The following CDON variants were observed in gnomAD, a reference collection of about 807,000 sequenced individuals.
CDON encodes cell adhesion molecule-related/down-regulated by oncogenes.
CDON carries 73 observed loss-of-function variants against 120.9 expected under a neutral mutation model. The ratio of observed to expected loss-of-function variants is 0.60; its 90% CI spans 0.50 to 0.73. The LOEUF (loss-of-function observed/expected upper bound fraction) is 0.73. Among genes scored for constraint, CDON ranks in the 30% least tolerant of loss-of-function variants. The pLI is 0.00. For synonymous variants in CDON, 566 were observed against 573.5 expected (o/e 0.99, Z 0.19); for missense variants, 1,470 against 1,587.3 (o/e 0.93, Z 1.26).
At chr11:125,976,422 T>C (rs1458220966) in intron 18 of CDON, among the ~76,000 whole-genome samples, 1 of 152,110 alleles carries the variant, frequency 6.6e-6, no homozygotes, top group Non-Finnish European at 1.5e-5. Flanking sequence ...AAAAAGAATC[T>C]GGTGTTCCAA....
chr11:126,038,589 T>G (rs1213572243), intron 1 of CDON, among the ~76,000 whole-genome samples: 3 of 151,770 alleles, frequency 2.0e-5, no homozygotes, highest in Non-Finnish European at 4.4e-5. Flanking sequence ...GAGGCAGAGG[T>G]TGCAGTGAGC....
At chr11:126,062,872 G>A (rs1948839979), upstream of CDON, 1 of 151,680 alleles carries the variant, frequency 6.6e-6, no homozygotes, top group South Asian at 2.1e-4. Flanking sequence ...GAGTCACCGG[G>A]GCGCGCCCCC....
intron 1 of CDON, among the ~76,000 whole-genome samples, chr11:126,046,151 T>C (rs1948402163): frequency 2.0e-5 from 3 of 152,310 alleles, no homozygotes; most frequent in Admixed American, 2.0e-4. Context: ...AAGAATGGTA[T>C]TGGGATGGTA....
At chr11:125,992,801 T>C (rs948131990) in intron 14 of CDON, among the ~76,000 whole-genome samples, 12 of 152,250 alleles carry the variant, frequency 7.9e-5, no homozygotes. Flanking sequence ...CAGTATTTCA[T>C]GTCAAGAAGT....
chr11:126,042,830 G>A (rs1458232993), intron 1 of CDON, among the ~76,000 whole-genome samples: 5 of 151,974 alleles, frequency 3.3e-5, no homozygotes, highest in Non-Finnish European at 5.9e-5. Flanking sequence ...ACCGTGTTGC[G>A]AAGGCTGGTC....
chr11:126,010,874 T>C (rs1273949430), intron 7 of CDON, 180 bp from the exon 8 acceptor site: 1 of 664,662 alleles, frequency 1.5e-6, no homozygotes, highest in Admixed American at 2.1e-5. Flanking sequence ...TAGAGTTGTT[T>C]CATAGCTGTG....
rs551721918 is a variant in CDON at position 125,997,291 on chromosome 11, G to A, written c.2278C>T (p.Arg760Trp). ...PITAFKVEYKRMRTSNWLVAA... is the reference protein window; with the variant it reads ...PITAFKVEYKWMRTSNWLVAA... ...ACCAGCCAATTGCTGGTCCTCATCC[G>A]TTTATATTCGACTTTGAAGGCAGTG... Residue 760 changes from arginine to tryptophan, a missense_variant, in exon 12 of 20, where the codon CGG becomes TGG. Arg to Trp is a moderately radical substitution (Grantham distance 101). Coordinates refer to ENST00000531738, the MANE Select transcript of CDON (RefSeq NM_001378964.1). 20 of 1,614,016 alleles carry A rather than the reference G, an allele frequency of 1.2e-5. No individual in the cohort carries two copies. The highest frequency in any genetic ancestry group is 5.0e-5 in the Admixed American group (3 of 60,012).
chr11:125,987,788 G>C (rs189813931), intron 15 of CDON, among the ~76,000 whole-genome samples: 1 of 152,188 alleles, frequency 6.6e-6, no homozygotes, highest in Non-Finnish European at 1.5e-5. Context: ...CACAGCGTCT[G>C]GTCCAAAAAG....
At chr11:126,052,797 T>C (rs1394275932) in intron 1 of CDON, among the ~76,000 whole-genome samples, 1 of 147,574 alleles carries the variant, frequency 6.8e-6, no homozygotes, top group Non-Finnish European at 1.5e-5. Context: ...CACTCCAGCC[T>C]GGGCAACAGA....
rs66953503 is a variant in CDON, at chr11:125,958,593, T to TTA, written c.*2347_*2348dup. On this transcript the variant is annotated 3_prime_UTR_variant, in exon 20 of 20. Transcript: ENST00000531738. Reference sequence around the variant, plus strand: ...TGTGTGTGTGTGTGTGTGTGTGTGTTTATATATATATATTTATATATTTCA... The same window carrying TTA: ...TGTGTGTGTGTGTGTGTGTGTGTGTTTATATATATATATATTTATATATTTCA... 11 of 103,170 alleles carry TTA rather than the reference T, an allele frequency of 1.1e-4. No homozygotes were observed. Among genetic ancestry groups the TTA allele is most frequent in the Non-Finnish European group, 1.5e-4 (8 of 51,816 alleles). 6.4% of individuals were successfully genotyped at this position (103,170 alleles called of 1,614,324 possible). A position where few individuals can be genotyped will look rare whatever the true frequency, so the allele number is the denominator to read the frequency against.
chr11:126,031,527 T>C (rs979064795), intron 1 of CDON, among the ~76,000 whole-genome samples: 3 of 152,200 alleles, frequency 2.0e-5, no homozygotes, highest in African/African-American at 7.2e-5. Context: ...AGTGAATTGC[T>C]TGCTGTGTTT....
chr11:126,042,695 C>A (rs1019951335), intron 1 of CDON, among the ~76,000 whole-genome samples: 3 of 152,234 alleles, frequency 2.0e-5, no homozygotes, highest in African/African-American at 7.2e-5. Context: ...AATCTCAGTT[C>A]ACTACAACCT....
At chr11:126,000,169 G>T (rs1488020219) in intron 11 of CDON, among the ~76,000 whole-genome samples, 1 of 152,004 alleles carries the variant, frequency 6.6e-6, no homozygotes, top group African/African-American at 2.4e-5. Context: ...TCCACATATT[G>T]TTAATGGGTT....
chr11:126,026,383 C>A (rs1305998303), intron 1 of CDON, among the ~76,000 whole-genome samples: 1 of 152,148 alleles, frequency 6.6e-6, no homozygotes, highest in Non-Finnish European at 1.5e-5. Flanking sequence ...CTATAGAATA[C>A]AACAAAATCT....
chr11:126,004,484 ATTATATTATG>A lies in CDON; in HGVS notation c.1852-418_1852-409del, dbSNP rs984859203. On this transcript the variant is annotated intron_variant, in intron 9 of 19. Transcript: ENST00000531738. ...TAGATACATGGTAAATTAAGACAAT[ATTATATTATG>A]TTATATGTATATGAATTATATAATT... The A allele has an allele frequency of 1.5e-3, 175 of 115,062 alleles. 1 individual carries two copies. The highest frequency in any genetic ancestry group is 5.9e-3 in the African/African-American group (161 of 27,214). 7.1% of individuals were successfully genotyped at this position (115,062 alleles called of 1,614,324 possible).
At chr11:125,962,930 T>A (rs1591540626) in intron 18 of CDON, among the ~76,000 whole-genome samples, 1 of 152,222 alleles carries the variant, frequency 6.6e-6, no homozygotes, top group South Asian at 2.1e-4. Context: ...GACATCTGGG[T>A]CCATCTCAGA....
intron 11 of CDON, among the ~76,000 whole-genome samples, chr11:125,998,943 A>C (rs1245201723): frequency 1.3e-5 from 2 of 152,170 alleles, no homozygotes; most frequent in African/African-American, 4.8e-5. Flanking sequence ...CATGCTCCTC[A>C]ATTGAGCAAC....
At position 126,046,605 on chromosome 11, in the gene CDON, C is replaced by T. The variant is rs1948413542; in HGVS notation, c.-62+15974G>A. On this transcript the variant is annotated intron_variant, in intron 1 of 19. Coordinates refer to ENST00000531738, the MANE Select transcript of CDON (RefSeq NM_001378964.1). Reference sequence around the variant, plus strand: ...GCAAGAGCCAGCTGAAAAAGGGCGACGGTGGCCCCCCTTGTCATTTTCCGA... The same window carrying T: ...GCAAGAGCCAGCTGAAAAAGGGCGATGGTGGCCCCCCTTGTCATTTTCCGA... Among the ~76,000 whole-genome samples the T allele has an allele frequency of 1.3e-5, 2 of 152,200 alleles. 1 individual carries two copies. Among genetic ancestry groups the T allele is most frequent in the Admixed American group, 1.3e-4 (2 of 15,280 alleles).
chr11:125,985,701 A>G (rs915916236), intron 15 of CDON, among the ~76,000 whole-genome samples: 2 of 152,222 alleles, frequency 1.3e-5, no homozygotes, highest in Non-Finnish European at 2.9e-5. Flanking sequence ...TCAGTTGAAC[A>G]GACACATGAA....
Sources: gnomAD v4.1 joint callset for allele counts (sites outside exome capture counted in the v4.1 genomes callset) on GRCh38, gnomAD v4.1.1 for gene constraint, MANE v1.5 for transcripts, NCBI Gene and HGNC (gene_info 2026-07-23, HGNC 2026-07-21) for gene names.